The following KCNC1 variants were observed in gnomAD, a reference collection of about 807,000 sequenced individuals.
KCNC1 encodes potassium voltage-gated channel subfamily C member 1.
In KCNC1, 8 loss-of-function variants were observed where a neutral mutation model predicts 43.4. The observed-to-expected ratio is 0.18, with a 90% CI of 0.11 to 0.33. The LOEUF is 0.33. KCNC1 is among the 10% of genes least tolerant of loss of function. KCNC1 has a pLI of 1.00. For synonymous variants in KCNC1, 361 were observed against 360.5 expected, an observed-to-expected ratio of 1.00 and a Z score of -0.01; for missense variants, 420 against 836.0, an observed-to-expected ratio of 0.50 and a Z score of 6.14.
At chr11:17,745,518 C>T (rs1223369821) in intron 1 of KCNC1, among the ~76,000 whole-genome samples, 2 of 152,196 alleles carry the variant, frequency 1.3e-5, no homozygotes, top group Non-Finnish European at 2.9e-5. Context: ...GCCCTTCTCT[C>T]AGGGCAGCCA....
At position 17,779,406 on chromosome 11, in the gene KCNC1, C is replaced by T. The variant is rs979916536; in HGVS notation, c.1505-50C>T. On this transcript the variant is annotated intron_variant, in intron 2 of 3. Transcript: ENST00000265969. The surrounding 1 kb of genome is among the most constrained non-coding windows in gnomAD (Gnocchi z 7.2). ...CTTCTGGCCTGTCCCCCCCTGCCCC[C>T]CACTAAACAGTTTTCAGTGTCTCAA... 2.1e-6 allele frequency: 3 copies of T among 1,402,014 alleles called. No individual in the cohort carries two copies. The South Asian group carries it at 4.8e-5, about 22-fold the overall frequency. The allele number at this position is 1,402,014 out of a possible 1,614,324, so 86.8% of individuals were successfully genotyped here. A position where few individuals can be genotyped will look rare whatever the true frequency, so the allele number is the denominator to read the frequency against.
At chr11:17,764,092 T>C (rs1849117103) in intron 1 of KCNC1, among the ~76,000 whole-genome samples, 1 of 75,690 alleles carries the variant, frequency 1.3e-5, no homozygotes, top group Admixed American at 1.9e-4. Context: ...TACACTTGCA[T>C]AGCCCCCCAC....
intron 1 of KCNC1, among the ~76,000 whole-genome samples, chr11:17,750,135 G>T (rs891611364): frequency 7.2e-5 from 11 of 152,198 alleles, no homozygotes; most frequent in Non-Finnish European, 1.2e-4. Context: ...TGTAAGATTG[G>T]ATGATAGTTT....
chr11:17,747,231 G>A (rs748015334), intron 1 of KCNC1, among the ~76,000 whole-genome samples: 3 of 152,152 alleles, frequency 2.0e-5, no homozygotes, highest in Non-Finnish European at 4.4e-5. Flanking sequence ...TGAGCTCCCT[G>A]TGTGTCCTGG....
At position 17,735,924 on chromosome 11, in the gene KCNC1, C is replaced by T. The variant is rs2133773828; in HGVS notation, c.-79C>T. 2.9e-6 allele frequency: 4 copies of T among 1,373,050 alleles called. No homozygotes were observed. The highest frequency in any genetic ancestry group is 3.7e-6 in the Non-Finnish European group (4 of 1,069,130). 85.1% of individuals were successfully genotyped at this position (1,373,050 alleles called of 1,614,324 possible). A position where few individuals can be genotyped will look rare whatever the true frequency, so the allele number is the denominator to read the frequency against. ...GGAGGGGGGAAGAGGGCGCGCGCCC[C>T]CCTCCCCGGCGCCAACTCCCCCTGG... On this transcript the variant is annotated 5_prime_UTR_variant, in exon 1 of 4. Coordinates refer to ENST00000265969, the MANE Select transcript of KCNC1 (RefSeq NM_001112741.2). This position sits in a 1 kb window ranked among gnomAD's most constrained non-coding sequence, Gnocchi z 6.7.
chr11:17,744,960 A>G (rs755447209), intron 1 of KCNC1, among the ~76,000 whole-genome samples: 2 of 152,048 alleles, frequency 1.3e-5, no homozygotes, highest in Non-Finnish European at 2.9e-5. Context: ...ACATCGCTGC[A>G]TTGGGGCCTG....
At chr11:17,757,984 T>A (rs1235258020) in intron 1 of KCNC1, among the ~76,000 whole-genome samples, 2 of 152,180 alleles carry the variant, frequency 1.3e-5, no homozygotes, top group Non-Finnish European at 2.9e-5. Context: ...ATCAATTGAC[T>A]CTCCCTTTCA....
At position 17,742,567 on chromosome 11, in the gene KCNC1, A is replaced by G. The variant is rs749835726; in HGVS notation, c.570+5995A>G. On this transcript the variant is annotated intron_variant, in intron 1 of 3. Transcript: ENST00000265969. The surrounding 1 kb of genome is among the most constrained non-coding windows in gnomAD (Gnocchi z 4.2). The stretch of plus-strand genomic sequence containing the variant: ...CCTCTGCTAGGTGCAAGGTTAGAGG[A>G]AAAGGAGGGCCTGACAGGCTGCAGG... 1.7e-4 allele frequency among the ~76,000 whole-genome samples: 26 copies of G among 152,182 alleles called. No homozygotes were observed. The highest frequency in any genetic ancestry group is 3.2e-4 in the Non-Finnish European group (22 of 68,018).
At chr11:17,741,282 C>T (rs945121609) in intron 1 of KCNC1, among the ~76,000 whole-genome samples, 1 of 150,212 alleles carries the variant, frequency 6.7e-6, no homozygotes, top group Non-Finnish European at 1.5e-5. Context: ...CCCTGCAGCC[C>T]CTTCACCGCT....
In KCNC1 at chr11:17,763,946, CACA is replaced by C. The variant is rs1565160264; in HGVS notation, c.571-7718_571-7716del. On this transcript the variant is annotated intron_variant, in intron 1 of 3. Coordinates refer to ENST00000265969, the MANE Select transcript of KCNC1 (RefSeq NM_001112741.2). ...GCACATATACACGCCCACACACACA[CACA>C]CCCACACACAGCAGCCCACACATGC... 6.1e-4 allele frequency among the ~76,000 whole-genome samples: 86 copies of C among 140,018 alleles called. 2 individuals are homozygous for C. The highest frequency in any genetic ancestry group is 8.4e-4 in the Non-Finnish European group (54 of 64,576). 91.9% of individuals were successfully genotyped at this position (140,018 alleles called of 152,430 possible).
At chr11:17,745,740 G>A (rs1018473471) in intron 1 of KCNC1, among the ~76,000 whole-genome samples, 2 of 151,992 alleles carry the variant, frequency 1.3e-5, no homozygotes, top group African/African-American at 4.8e-5. Context: ...CCTGCGCTGC[G>A]CTGGTCCCTC....
chr11:17,763,976 C>T (rs1405373666), intron 1 of KCNC1, among the ~76,000 whole-genome samples: 2 of 142,152 alleles, frequency 1.4e-5, no homozygotes, highest in African/African-American at 2.6e-5. Flanking sequence ...CACACATGCA[C>T]ATATACACAC....
At chr11:17,767,427 G>T (rs1014322833) in intron 1 of KCNC1, among the ~76,000 whole-genome samples, 4 of 152,192 alleles carry the variant, frequency 2.6e-5, no homozygotes, top group Non-Finnish European at 5.9e-5. Flanking sequence ...AAGCAATGGG[G>T]ATATGGCCCC....
intron 1 of KCNC1, among the ~76,000 whole-genome samples, chr11:17,767,296 A>AAAAAGAAAAG (rs1191538615): frequency 7.7e-6 from 1 of 130,200 alleles, no homozygotes; most frequent in Non-Finnish European, 1.7e-5. Flanking sequence ...AAAAAAAAAA[A>AAAAAGAAAAG]AAAAGAAAAG....
In KCNC1 at chr11:17,776,060, G is replaced by A. The variant is rs1232926068; in HGVS notation, c.1505-3396G>A. ...GTTTCTGCAGGGACCCAGCTGCAGGGTCAGCAGCCTGTGGGCCCTGAGTGG... is the reference window on the plus strand; with the variant it reads ...GTTTCTGCAGGGACCCAGCTGCAGGATCAGCAGCCTGTGGGCCCTGAGTGG... On this transcript the variant is annotated intron_variant, in intron 2 of 3. Coordinates refer to ENST00000265969, the MANE Select transcript of KCNC1 (RefSeq NM_001112741.2). This position sits in a 1 kb window ranked among gnomAD's most constrained non-coding sequence, Gnocchi z 4.4. 1 of 985,350 alleles carries A rather than the reference G, an allele frequency of 1.0e-6. No individual in the cohort carries two copies. The highest frequency in any genetic ancestry group is 1.7e-5 in the African/African-American group (1 of 57,234). 61.0% of individuals were successfully genotyped at this position (985,350 alleles called of 1,614,324 possible).
intron 2 of KCNC1, among the ~76,000 whole-genome samples, chr11:17,778,763 T>C (rs1004390057): frequency 3.3e-5 from 5 of 150,178 alleles, no homozygotes; most frequent in Admixed American, 2.7e-4. Flanking sequence ...CAGAGTAGAC[T>C]GTGTGACCGG....
chr11:17,761,658 G>A (rs1291109503), intron 1 of KCNC1, among the ~76,000 whole-genome samples: 1 of 152,200 alleles, frequency 6.6e-6, no homozygotes. Flanking sequence ...CTTCCACCAT[G>A]TGGCCTACTT....
At chr11:17,765,638 G>C (rs991444261) in intron 1 of KCNC1, among the ~76,000 whole-genome samples, 1 of 152,192 alleles carries the variant, frequency 6.6e-6, no homozygotes, top group African/African-American at 2.4e-5. Flanking sequence ...GGGAGAAAAA[G>C]GCCAGAAACT....
chr11:17,764,368 CCACA>C (rs1324770349), intron 1 of KCNC1, among the ~76,000 whole-genome samples: 1 of 151,730 alleles, frequency 6.6e-6, no homozygotes, highest in African/African-American at 2.4e-5. Flanking sequence ...CCATACATGT[CCACA>C]CACACACAAA....
Sources: gnomAD v4.1 joint callset for allele counts (sites outside exome capture counted in the v4.1 genomes callset) on GRCh38, gnomAD v4.1.1 for gene constraint, Gnocchi (gnomAD v3.1) non-coding constraint, MANE v1.5 for transcripts, NCBI Gene and HGNC (gene_info 2026-07-23, HGNC 2026-07-21) for gene names.